Variants in EML4 observed in about 807,000 individuals in gnomAD.
EML4 encodes echinoderm microtubule-associated protein-like 4.
In EML4, 72 loss-of-function variants were observed where a neutral mutation model predicts 129.0. The observed-to-expected ratio is 0.56, with a 90% confidence interval of 0.46 to 0.68. The LOEUF (loss-of-function observed/expected upper bound fraction) is 0.68, where lower values mean the gene tolerates loss of function less well. Ranked by LOEUF, EML4 falls within the 30% of genes least tolerant of loss-of-function variation. The probability of loss-of-function intolerance (pLI) is 0.00; values close to 1 mark genes in which losing one functional copy is unlikely to be tolerated. For synonymous variants in EML4, 532 were observed against 405.0 expected (o/e 1.31, Z -3.77); for missense variants, 1,363 against 1,190.6 (o/e 1.14, Z -2.13).
intron 3 of EML4, among the ~76,000 whole-genome samples, chr2:42,259,050 C>T (rs548760179): frequency 4.6e-4 from 70 of 152,194 alleles, no homozygotes; most frequent in African/African-American, 1.6e-3. Context: ...AGTTTGAGAC[C>T]AGTCTGGCCA....
At chr2:42,264,117 T>TTTG (rs1229017046) in intron 5 of EML4, among the ~76,000 whole-genome samples, 8 of 140,368 alleles carry the variant, frequency 5.7e-5, no homozygotes, top group Non-Finnish European at 9.2e-5. Flanking sequence ...TTTTTTTTTT[T>TTTG]TTTTTTTTTT....
At chr2:42,272,357 T>A (rs1351889094) in intron 6 of EML4, among the ~76,000 whole-genome samples, 1 of 152,236 alleles carries the variant, frequency 6.6e-6, no homozygotes, top group African/African-American at 2.4e-5. Flanking sequence ...TAATAATGCT[T>A]TTTAAACTTT....
chr2:42,178,180 A>C (rs1323391233), intron 1 of EML4, among the ~76,000 whole-genome samples: 1 of 152,208 alleles, frequency 6.6e-6, no homozygotes, highest in African/African-American at 2.4e-5. Context: ...TCAGTATGTA[A>C]AGAAGTGATT....
At chr2:42,170,801 A>G (rs569647906) in intron 1 of EML4, among the ~76,000 whole-genome samples, 67 of 152,324 alleles carry the variant, frequency 4.4e-4, no homozygotes, top group African/African-American at 1.6e-3. Context: ...ATAAGTCTCT[A>G]CTTGGTTAAT....
At chr2:42,314,508 G>C (rs927441790) in intron 17 of EML4, among the ~76,000 whole-genome samples, 1 of 152,176 alleles carries the variant, frequency 6.6e-6, no homozygotes, top group African/African-American at 2.4e-5. Flanking sequence ...GTGAATACTT[G>C]AGTTTAAAGG....
At position 42,295,158 on chromosome 2, in the gene EML4, C is replaced by T; in HGVS notation, c.1252C>T (p.His418Tyr). The stretch of plus-strand genomic sequence containing the variant: ...TGAAGTTGTTTTGGCTGTGGAGTTT[C>T]ACCCAACAGATGCAAATACCATAAT... The part of the protein sequence containing the change: ...TNEVVLAVEF[H>Y]PTDANTIITC... Residue 418 changes from histidine to tyrosine, a missense_variant, in exon 12 of 23, where the codon CAC (histidine) becomes TAC (tyrosine). Coordinates refer to ENST00000318522, the MANE Select transcript of EML4 (RefSeq NM_019063.5). 2 of 1,612,414 alleles carry T rather than the reference C, an allele frequency of 1.2e-6. No individual in the cohort carries two copies. The highest frequency in any genetic ancestry group is 1.3e-5 in the African/African-American group (1 of 74,996).
chr2:42,238,677 G>A (rs6750394), intron 1 of EML4, among the ~76,000 whole-genome samples: 117,294 of 152,124 alleles, frequency 0.77, 46,046 homozygotes, highest in African/African-American at 0.91. Context: ...GAGTGCAAGG[G>A]TGCAGTTATA....
chr2:42,266,846 A>G (rs987824658), intron 6 of EML4, among the ~76,000 whole-genome samples: 2 of 152,162 alleles, frequency 1.3e-5, no homozygotes, highest in Admixed American at 1.3e-4. Context: ...CTACTGAAGG[A>G]TGAAATAATA....
chr2:42,282,729 A>C, intron 7 of EML4, 94 bp from the exon 8 acceptor site: 1 of 1,129,760 alleles, frequency 8.9e-7, no homozygotes, highest in Non-Finnish European at 1.3e-6. Flanking sequence ...AGTCTTCTTC[A>C]TTGTACCTTC....
intron 1 of EML4, among the ~76,000 whole-genome samples, chr2:42,185,926 TA>T (rs1671224900): frequency 6.6e-6 from 1 of 152,134 alleles, no homozygotes; most frequent in South Asian, 2.1e-4. Context: ...CAGACAGATT[TA>T]AAATTAGAGG....
rs1053417841 is a variant in EML4, at chr2:42,218,120, C to T, written c.26-27385C>T. 7.9e-5 allele frequency among the ~76,000 whole-genome samples: 12 copies of T among 152,196 alleles called. No homozygotes were observed. In the South Asian group the frequency reaches 1.0e-3, roughly 13 times the overall value. ...GCAAAGCTTCATCTGTATTTGCAGC[C>T]GCTCCTCATCACTCTCATTACCACC... On this transcript the variant is annotated intron_variant, in intron 1 of 22. Transcript: ENST00000318522.
intron 1 of EML4, among the ~76,000 whole-genome samples, chr2:42,200,081 G>A (rs1451025821): frequency 2.6e-5 from 4 of 151,342 alleles, no homozygotes; most frequent in East Asian, 1.9e-4. Flanking sequence ...AGGCCAAGGC[G>A]GGCAGATCGC....
In EML4 at chr2:42,284,756, G is replaced by A. The variant is rs548407018; in HGVS notation, c.1011+53G>A. On this transcript the variant is annotated intron_variant, in intron 9 of 22. Coordinates refer to ENST00000318522, the MANE Select transcript of EML4 (RefSeq NM_019063.5). ...TACCTAGAGACATTGCTGTTAGAGT[G>A]GAATCTATTGTAATTTTAACCACAA... The A allele has an allele frequency of 7.4e-5, 97 of 1,313,666 alleles. 1 individual carries two copies. In the South Asian group the frequency reaches 1.3e-3, roughly 18 times the overall value. 81.4% of individuals were successfully genotyped at this position (1,313,666 alleles called of 1,614,324 possible).
At chr2:42,305,881 G>C (rs997418369) in intron 17 of EML4, among the ~76,000 whole-genome samples, 3 of 119,442 alleles carry the variant, frequency 2.5e-5, no homozygotes. Context: ...TAGTCATTTA[G>C]AGGGGGTTTT....
chr2:42,329,662 C>A, intron 22 of EML4, 72 bp from the exon 23 acceptor site: 1 of 1,290,446 alleles, frequency 7.7e-7, no homozygotes, highest in Non-Finnish European at 1.1e-6. Context: ...CCTTACGTAT[C>A]ACCTCCATTT....
At chr2:42,289,129 TA>T (rs1481951206) in intron 11 of EML4, 6 of 152,312 alleles carry the variant, frequency 3.9e-5, no homozygotes, top group African/African-American at 1.4e-4. Context: ...TGATTGTACT[TA>T]AAAGGAATAT....
At chr2:42,323,778 A>G (rs1401056000) in intron 19 of EML4, among the ~76,000 whole-genome samples, 1 of 149,578 alleles carries the variant, frequency 6.7e-6, no homozygotes, top group African/African-American at 2.5e-5. Flanking sequence ...TACCAAAAAA[A>G]AAAAAACAAA....
At chr2:42,277,422 A>G (rs1666716595) in intron 6 of EML4, among the ~76,000 whole-genome samples, 1 of 152,242 alleles carries the variant, frequency 6.6e-6, no homozygotes, top group African/African-American at 2.4e-5. Context: ...CCACTCTTAG[A>G]TTCAGAAGTA....
At chr2:42,290,837 A>T (rs1453236024) in intron 11 of EML4, among the ~76,000 whole-genome samples, 1 of 152,220 alleles carries the variant, frequency 6.6e-6, no homozygotes, top group South Asian at 2.1e-4. Flanking sequence ...AATCATGGAT[A>T]GGAGACGATG....
Sources: gnomAD v4.1 joint callset for allele counts (sites outside exome capture counted in the v4.1 genomes callset) on GRCh38, gnomAD v4.1.1 for gene constraint, MANE v1.5 for transcripts, NCBI Gene and HGNC (gene_info 2026-07-23, HGNC 2026-07-21) for gene names.